The following ENTREP2 variants were observed in gnomAD, a reference collection of about 807,000 sequenced individuals.
The protein encoded by ENTREP2 is endosomal transmembrane epsin interactor 2, also known as protein ENTREP2.
At chr15:29,235,209 C>A in the ENTREP2 span, 1 of 615,974 alleles carries the variant, frequency 1.6e-6, no homozygotes, top group South Asian at 1.8e-5. Flanking sequence ...ACAGATAGTT[C>A]TATAGTCTTG....
At chr15:29,499,292 A>T in the ENTREP2 span, among the ~76,000 whole-genome samples, 5 of 137,862 alleles carry the variant, frequency 3.6e-5, no homozygotes, top group African/African-American at 1.5e-4. Context: ...CTTTCTCTTC[A>T]TCTTTTCTGT....
the ENTREP2 span, among the ~76,000 whole-genome samples, chr15:29,260,809 A>G: frequency 2.0e-5 from 3 of 152,204 alleles, no homozygotes; most frequent in Non-Finnish European, 4.4e-5. Flanking sequence ...TTTTAAGAGA[A>G]TACTTTTAAA....
At chr15:29,315,038 G>A in the ENTREP2 span, among the ~76,000 whole-genome samples, 6 of 152,192 alleles carry the variant, frequency 3.9e-5, no homozygotes, top group Admixed American at 2.0e-4. Flanking sequence ...GTGACAGAGC[G>A]AGACTTTGTC....
the ENTREP2 span, among the ~76,000 whole-genome samples, chr15:29,401,136 C>T: frequency 6.6e-6 from 1 of 152,006 alleles, no homozygotes; most frequent in African/African-American, 2.4e-5. Flanking sequence ...AATAATGGCT[C>T]GCTACTGTCA....
chr15:29,171,964 G>A, the ENTREP2 span, among the ~76,000 whole-genome samples: 8 of 152,110 alleles, frequency 5.3e-5, no homozygotes, highest in Non-Finnish European at 1.0e-4. Context: ...GCAGTGCTGT[G>A]GGGCACATTT....
At chr15:29,332,868 A>G in the ENTREP2 span, among the ~76,000 whole-genome samples, 1 of 151,560 alleles carries the variant, frequency 6.6e-6, no homozygotes, top group Non-Finnish European at 1.5e-5. Flanking sequence ...CTGAGGCAGC[A>G]GAATCGCTTG....
the ENTREP2 span, among the ~76,000 whole-genome samples, chr15:29,617,748 T>C: frequency 2.6e-5 from 4 of 152,330 alleles, no homozygotes; most frequent in Admixed American, 2.0e-4. Flanking sequence ...GGCGCTCTTA[T>C]GTGGCATCTC....
the ENTREP2 span, among the ~76,000 whole-genome samples, chr15:29,563,038 G>C: frequency 2.7e-4 from 41 of 152,238 alleles, no homozygotes; most frequent in South Asian, 7.3e-3. Flanking sequence ...TGATCCACCT[G>C]CGTCAGCCTC....
At chr15:29,218,686 G>A in the ENTREP2 span, among the ~76,000 whole-genome samples, 5 of 152,018 alleles carry the variant, frequency 3.3e-5, no homozygotes, top group East Asian at 3.8e-4. Context: ...ACTGATCTTC[G>A]ACAAAGCAAA....
At chr15:29,364,988 G>C in the ENTREP2 span, among the ~76,000 whole-genome samples, 1 of 152,102 alleles carries the variant, frequency 6.6e-6, no homozygotes, top group Non-Finnish European at 1.5e-5. Flanking sequence ...TATGGGTTTG[G>C]AGAAATGCAT....
At chr15:29,410,492 T>A in the ENTREP2 span, among the ~76,000 whole-genome samples, 1 of 151,810 alleles carries the variant, frequency 6.6e-6, no homozygotes, top group African/African-American at 2.4e-5. Flanking sequence ...GCCTGAAATG[T>A]GCTCGGTAAC....
At chr15:29,568,646 G>A in the ENTREP2 span, among the ~76,000 whole-genome samples, 5 of 150,012 alleles carry the variant, frequency 3.3e-5, no homozygotes, top group African/African-American at 7.4e-5. Context: ...CCAGGCTGCC[G>A]TGAGCTATGA....
At chr15:29,492,961 G>A in the ENTREP2 span, among the ~76,000 whole-genome samples, 104 of 150,848 alleles carry the variant, frequency 6.9e-4, no homozygotes, top group African/African-American at 2.4e-3. Flanking sequence ...CTGAGATCAC[G>A]CCACTGCACT....
chr15:29,202,582 T>C, the ENTREP2 span, among the ~76,000 whole-genome samples: 2 of 152,146 alleles, frequency 1.3e-5, no homozygotes, highest in South Asian at 2.1e-4. Flanking sequence ...ACCCATCATC[T>C]AGGTTTTAAG....
chr15:29,156,560 G>C, the ENTREP2 span, among the ~76,000 whole-genome samples: 1 of 151,886 alleles, frequency 6.6e-6, no homozygotes, highest in South Asian at 2.1e-4. Flanking sequence ...ACTATAGATG[G>C]AGTAAACATC....
chr15:29,637,801 A>AG, the ENTREP2 span, among the ~76,000 whole-genome samples: 2 of 152,192 alleles, frequency 1.3e-5, no homozygotes, highest in South Asian at 4.1e-4. Context: ...ATGAGAGGGA[A>AG]GTGTGCAGAG....
chr15:29,541,886 G>C, the ENTREP2 span, among the ~76,000 whole-genome samples: 3 of 152,212 alleles, frequency 2.0e-5, no homozygotes, highest in East Asian at 1.9e-4. Context: ...ACAGAAAAGC[G>C]TAACAGGTCT....
At chr15:29,485,106 C>G in the ENTREP2 span, among the ~76,000 whole-genome samples, 1 of 152,130 alleles carries the variant, frequency 6.6e-6, no homozygotes, top group East Asian at 1.9e-4. Flanking sequence ...AAGGGTCCAT[C>G]CTCCACAAAA....
chr15:29,202,681 T>A, the ENTREP2 span, among the ~76,000 whole-genome samples: 1 of 152,132 alleles, frequency 6.6e-6, no homozygotes, highest in Non-Finnish European at 1.5e-5. Context: ...TTCCCCTCCC[T>A]GTGTCCATGT....
Sources: allele counts gnomAD v4.1 joint callset (sites outside exome capture counted in the v4.1 genomes callset), GRCh38; gene constraint gnomAD v4.1.1; transcripts MANE v1.5; gene names NCBI Gene and HGNC (gene_info 2026-07-23, HGNC 2026-07-21).